Variants in CUBN observed in about 807,000 individuals in gnomAD.
The protein encoded by CUBN is 460 kDa receptor.
CUBN carries 282 observed loss-of-function variants against 405.3 expected under a neutral mutation model. The observed-to-expected ratio is 0.70, with a 90% CI of 0.63 to 0.77. The LOEUF is 0.77. Ranked by LOEUF, CUBN falls within the 30% of genes least tolerant of loss-of-function variation. The probability of loss-of-function intolerance (pLI) is 0.00; values close to 1 mark genes in which losing one functional copy is unlikely to be tolerated. For missense variants in CUBN, 4,514 were observed against 4,475.2 expected (o/e 1.01, Z -0.25); for synonymous variants, 1,684 against 1,617.0 (o/e 1.04, Z -0.99).
chr10:16,864,325 C>T (rs1435940679), intron 59 of CUBN, among the ~76,000 whole-genome samples: 1 of 152,130 alleles, frequency 6.6e-6, no homozygotes, highest in Non-Finnish European at 1.5e-5. Context: ...TGATGTGGTC[C>T]TGTTGAGAAT....
chr10:16,936,316 T>C (rs1842502875), intron 39 of CUBN, among the ~76,000 whole-genome samples: 1 of 152,230 alleles, frequency 6.6e-6, no homozygotes, highest in South Asian at 2.1e-4. Flanking sequence ...AAATGTTGCC[T>C]CTAAATTGCA....
rs138744214 is a variant in CUBN at position 16,910,911 on chromosome 10, C to T, written c.7533+2900G>A. 2.1e-3 allele frequency among the ~76,000 whole-genome samples: 324 copies of T among 152,162 alleles called. 3 individuals carry two copies. The highest frequency in any genetic ancestry group is 6.8e-3 in the African/African-American group (284 of 41,526). On this transcript the variant is annotated intron_variant, in intron 48 of 66. Coordinates refer to ENST00000377833, the MANE Select transcript of CUBN (RefSeq NM_001081.4). Reference sequence around the variant, plus strand: ...CCTTGGGGAGCCGCAAGAGGGTATGCCTCACCAAAAGAGGAAATTAACCAA... The same window carrying T: ...CCTTGGGGAGCCGCAAGAGGGTATGTCTCACCAAAAGAGGAAATTAACCAA...
At chr10:16,845,628 A>G (rs1208199465) in intron 60 of CUBN, among the ~76,000 whole-genome samples, 4 of 152,258 alleles carry the variant, frequency 2.6e-5, no homozygotes, top group Non-Finnish European at 4.4e-5. Context: ...TAAAATCTCA[A>G]TGTTCTTCTC....
At chr10:16,827,575 G>A (rs192453271) in intron 66 of CUBN, among the ~76,000 whole-genome samples, 3 of 152,250 alleles carry the variant, frequency 2.0e-5, no homozygotes, top group Non-Finnish European at 2.9e-5. Context: ...ACAGATACCC[G>A]CTTGCCAACA....
At chr10:16,865,611 G>A (rs1292824567) in intron 59 of CUBN, among the ~76,000 whole-genome samples, 2 of 152,038 alleles carry the variant, frequency 1.3e-5, no homozygotes, top group Admixed American at 1.3e-4. Context: ...TAGCTAGCAA[G>A]AGGATTGTAA....
intron 60 of CUBN, among the ~76,000 whole-genome samples, chr10:16,850,320 T>C (rs1839648952): frequency 6.6e-6 from 1 of 152,306 alleles, no homozygotes; most frequent in Non-Finnish European, 1.5e-5. Context: ...CTTGCCATAC[T>C]TTTTATTTTT....
At chr10:17,091,868 A>T (rs1836266472) in intron 14 of CUBN, among the ~76,000 whole-genome samples, 1 of 152,202 alleles carries the variant, frequency 6.6e-6, no homozygotes, top group Admixed American at 6.5e-5. Context: ...TGATCTACAG[A>T]ACAAACAATC....
At chr10:16,826,261 A>G (rs1317334763) in intron 66 of CUBN, among the ~76,000 whole-genome samples, 1 of 151,908 alleles carries the variant, frequency 6.6e-6, no homozygotes, top group African/African-American at 2.4e-5. Flanking sequence ...GTATTTAAAT[A>G]CTGTATGTAT....
intron 35 of CUBN, 66 bp downstream of exon 35, chr10:16,948,412 A>G (rs549023571): frequency 2.5e-5 from 40 of 1,609,210 alleles, no homozygotes; most frequent in Middle Eastern, 3.5e-4. Flanking sequence ...AGAGTCCCCA[A>G]TAACAAACCA....
intron 17 of CUBN, among the ~76,000 whole-genome samples, chr10:17,081,509 AT>A (rs1177950273): frequency 1.3e-5 from 2 of 152,160 alleles, no homozygotes; most frequent in African/African-American, 4.8e-5. Flanking sequence ...TAAATATTTC[AT>A]TTTTTAGAGA....
In CUBN at chr10:17,051,792, A is replaced by T. The variant is rs193270475; in HGVS notation, c.3140-4189T>A. 2.6e-5 allele frequency among the ~76,000 whole-genome samples: 4 copies of T among 152,088 alleles called. No individual in the cohort carries two copies. The East Asian group carries it at 7.7e-4, about 29-fold the overall frequency. On this transcript the variant is annotated intron_variant, in intron 22 of 66. Coordinates refer to ENST00000377833, the MANE Select transcript of CUBN (RefSeq NM_001081.4). ...ACTCCAGGAAAATGGACAGATATTTAAAAAAACAAAGAAAAAACAACAAAT... is the reference window on the plus strand; with the variant it reads ...ACTCCAGGAAAATGGACAGATATTTTAAAAAACAAAGAAAAAACAACAAAT...
rs150254335 is a variant in CUBN at position 16,940,707 on chromosome 10, G to A, written c.5343-470C>T. On this transcript the variant is annotated intron_variant, in intron 36 of 66. Transcript: ENST00000377833. ...CACCAAGGCACATGTGCAGAGAAGG[G>A]CGGGACATATTCAGAAAACCACGAG... Among the ~76,000 whole-genome samples the A allele has an allele frequency of 4.2e-3, 639 of 152,278 alleles. 2 individuals carry two copies. The highest frequency in any genetic ancestry group is 0.014 in the Middle Eastern group (4 of 294).
At chr10:17,074,142 G>A (rs1369132078) in intron 17 of CUBN, among the ~76,000 whole-genome samples, 1 of 152,156 alleles carries the variant, frequency 6.6e-6, no homozygotes, top group Non-Finnish European at 1.5e-5. Context: ...CAGGAACTGT[G>A]CAGGTGACAA....
At chr10:17,109,558 A>C in intron 10 of CUBN, 82 bp downstream of exon 10, 2 of 1,130,074 alleles carry the variant, frequency 1.8e-6, no homozygotes, top group Non-Finnish European at 2.7e-6. Flanking sequence ...TTGAGAACAG[A>C]GGATTTTGTG....
intron 14 of CUBN, 142 bp from the exon 15 acceptor site, chr10:17,088,487 T>C (rs2131869818): frequency 1.5e-6 from 1 of 672,260 alleles, no homozygotes; most frequent in Non-Finnish European, 2.6e-6. Context: ...TTAAAAAAGA[T>C]TTACATTTTC....
intron 59 of CUBN, among the ~76,000 whole-genome samples, chr10:16,865,026 T>C (rs915466010): frequency 3.6e-5 from 5 of 140,032 alleles, no homozygotes; most frequent in African/African-American, 5.5e-5. Flanking sequence ...AATGGTGCTA[T>C]CTTGGGTCAC....
In CUBN at chr10:16,907,609, T is replaced by G; in HGVS notation, c.7604A>C (p.Glu2535Ala). The change falls in exon 49 of 67, where the codon GAG becomes GCG. Residue 2535 changes from glutamate (E) to alanine (A), a missense_variant. By Grantham distance (107) the Glu-to-Ala change is moderately radical (BLOSUM62 -1). This residue lies in a region of CUBN where 1,613 missense variants were observed against 1,542.8 expected (regional missense o/e 1.05). Transcript: ENST00000377833. Reference sequence around the variant, plus strand: ...CATTGTGTTTCCTGAAGATTTAATCTCATTGCTTACATTCACACTACTACA... The same window carrying G: ...CATTGTGTTTCCTGAAGATTTAATCGCATTGCTTACATTCACACTACTACA... ...KLCSSVNVSN[E>A]IKSSGNTMKV... The G allele has an allele frequency of 2.5e-6, 4 of 1,613,290 alleles. No individual in the cohort carries two copies. Among genetic ancestry groups the G allele is most frequent in the Non-Finnish European group, 3.4e-6 (4 of 1,180,002 alleles).
intron 63 of CUBN, 64 bp from the exon 64 acceptor site, chr10:16,835,259 C>A: frequency 7.6e-7 from 1 of 1,313,114 alleles, no homozygotes; most frequent in East Asian, 2.3e-5. Context: ...TTCAACTTCA[C>A]AGGAATCATT....
chr10:17,107,494 C>CTT (rs34281338), intron 10 of CUBN, among the ~76,000 whole-genome samples: 28 of 91,800 alleles, frequency 3.1e-4, no homozygotes, highest in African/African-American at 1.1e-3. Flanking sequence ...ATAAGTTGTT[C>CTT]TTTTTTTTTT....
Sources: gnomAD v4.1 joint callset for allele counts (sites outside exome capture counted in the v4.1 genomes callset) on GRCh38, gnomAD v4.1.1 for gene constraint, gnomAD v4.1.1 regional missense constraint, MANE v1.5 for transcripts, NCBI Gene and HGNC (gene_info 2026-07-23, HGNC 2026-07-21) for gene names.